TAFA1: variants seen among roughly 807,000 people sequenced by gnomAD.
TAFA1 encodes the protein chemokine-like protein TAFA-1.
In TAFA1, 4 loss-of-function variants were observed where a neutral mutation model predicts 18.5. The ratio of observed to expected loss-of-function variants is 0.22; its 90% CI spans 0.11 to 0.49. The LOEUF (loss-of-function observed/expected upper bound fraction) is 0.49. Ranked by LOEUF, TAFA1 falls within the 20% of genes least tolerant of loss-of-function variation. The probability of loss-of-function intolerance (pLI) is 0.98; values close to 1 mark genes in which losing one functional copy is unlikely to be tolerated. For synonymous variants in TAFA1, 56 were observed against 55.2 expected, an observed-to-expected ratio of 1.01 and a Z score of -0.06; for missense variants, 147 against 169.0, an observed-to-expected ratio of 0.87 and a Z score of 0.72.
chr3:68,180,757 G>A (rs978566889), intron 2 of TAFA1, among the ~76,000 whole-genome samples: 1 of 152,082 alleles, frequency 6.6e-6, no homozygotes, highest in Non-Finnish European at 1.5e-5. Flanking sequence ...CATCACCTAT[G>A]TGGTAGGCAG....
intron 3 of TAFA1, among the ~76,000 whole-genome samples, chr3:68,500,726 A>G (rs1483064827): frequency 6.6e-6 from 1 of 151,802 alleles, no homozygotes; most frequent in Non-Finnish European, 1.5e-5. Context: ...AAGTTTGCCT[A>G]TTCCTACCCT....
intron 2 of TAFA1, among the ~76,000 whole-genome samples, chr3:68,055,257 T>C (rs2064519134): frequency 6.6e-6 from 1 of 152,144 alleles, no homozygotes; most frequent in South Asian, 2.1e-4. Flanking sequence ...GAATTTATAA[T>C]CCAACTCTTA....
At chr3:68,169,433 T>A (rs1355738752) in intron 2 of TAFA1, among the ~76,000 whole-genome samples, 1 of 152,080 alleles carries the variant, frequency 6.6e-6, no homozygotes, top group African/African-American at 2.4e-5. Context: ...TGAACTGGAG[T>A]CTCCTAACCA....
chr3:68,448,037 C>T (rs1317737947), intron 3 of TAFA1, among the ~76,000 whole-genome samples: 1 of 152,148 alleles, frequency 6.6e-6, no homozygotes, highest in Non-Finnish European at 1.5e-5. Flanking sequence ...GAGAAGTGAG[C>T]TCAGGAATTC....
At chr3:68,424,383 T>G (rs2071015495) in intron 3 of TAFA1, among the ~76,000 whole-genome samples, 1 of 152,022 alleles carries the variant, frequency 6.6e-6, no homozygotes, top group Admixed American at 6.6e-5. Context: ...GAAGGAACAT[T>G]AATACATCTA....
intron 2 of TAFA1, among the ~76,000 whole-genome samples, chr3:68,344,376 G>GT (rs2069132702): frequency 6.6e-6 from 1 of 152,130 alleles, no homozygotes; most frequent in East Asian, 1.9e-4. Context: ...GGAACCTCTA[G>GT]TTTAAGTCAT....
rs187969951 is a variant in TAFA1, at chr3:68,247,064, A to C, written c.119-170216A>C. 1.4e-3 allele frequency among the ~76,000 whole-genome samples: 214 copies of C among 151,018 alleles called. 1 individual carries two copies. Among genetic ancestry groups the C allele is most frequent in the African/African-American group, 5.0e-3 (203 of 40,754 alleles). ...CAGCAACATTCCTGGCACATAGTAA[A>C]CATCGATGTATTATTATTAATACCT... On this transcript the variant is annotated intron_variant, in intron 2 of 4. Transcript: ENST00000478136.
chr3:68,056,951 C>T (rs1346643188), intron 2 of TAFA1, among the ~76,000 whole-genome samples: 1 of 152,048 alleles, frequency 6.6e-6, no homozygotes, highest in Non-Finnish European at 1.5e-5. Context: ...CATTTGTGAC[C>T]CCTGTTAAGT....
At chr3:68,337,103 T>C (rs2068984060) in intron 2 of TAFA1, among the ~76,000 whole-genome samples, 1 of 152,096 alleles carries the variant, frequency 6.6e-6, no homozygotes, top group Non-Finnish European at 1.5e-5. Context: ...ATTAGTCTGT[T>C]CTCACACTTC....
intron 3 of TAFA1, among the ~76,000 whole-genome samples, chr3:68,418,267 C>T (rs2070881122): frequency 2.6e-5 from 4 of 151,542 alleles, no homozygotes; most frequent in South Asian, 2.1e-4. Flanking sequence ...AGGGTGGGGC[C>T]GTTTTATAGG....
At chr3:68,491,702 T>A (rs570504555) in intron 3 of TAFA1, among the ~76,000 whole-genome samples, 1 of 152,050 alleles carries the variant, frequency 6.6e-6, no homozygotes, top group Non-Finnish European at 1.5e-5. Flanking sequence ...AATAAATAAA[T>A]TTTAAAAAAG....
At position 68,178,275 on chromosome 3, in the gene TAFA1, C is replaced by G. The variant is rs531237952; in HGVS notation, c.118+171531C>G. On this transcript the variant is annotated intron_variant, in intron 2 of 4. Transcript: ENST00000478136. ...TCATCTATTTCCTCATTCATTCACT[C>G]ATACAACACATACTTATCAGTTGCT... Among the ~76,000 whole-genome samples the G allele has an allele frequency of 5.3e-5, 8 of 152,316 alleles. No individual in the cohort carries two copies. The South Asian group carries it at 1.7e-3, about 32-fold the overall frequency.
At chr3:68,493,552 C>A (rs2072492133) in intron 3 of TAFA1, among the ~76,000 whole-genome samples, 1 of 152,116 alleles carries the variant, frequency 6.6e-6, no homozygotes, top group African/African-American at 2.4e-5. Flanking sequence ...TTTGAGGAAC[C>A]TCCATAACTG....
chr3:68,028,555 A>C (rs1704865581), intron 2 of TAFA1, among the ~76,000 whole-genome samples: 1 of 152,036 alleles, frequency 6.6e-6, no homozygotes, highest in Non-Finnish European at 1.5e-5. Flanking sequence ...CATGAAATCA[A>C]GGTGTCAGCA....
At chr3:68,514,994 A>T (rs977261224) in intron 3 of TAFA1, among the ~76,000 whole-genome samples, 1 of 151,018 alleles carries the variant, frequency 6.6e-6, no homozygotes, top group African/African-American at 2.4e-5. Context: ...TATTGTTTCA[A>T]ACTACTCATG....
At chr3:68,279,573 G>A (rs2067860806) in intron 2 of TAFA1, among the ~76,000 whole-genome samples, 2 of 151,976 alleles carry the variant, frequency 1.3e-5, no homozygotes, top group African/African-American at 4.8e-5. Flanking sequence ...TCACTACTAT[G>A]GGAAGTCAGG....
chr3:68,239,027 TC>T (rs1232489353), intron 2 of TAFA1, among the ~76,000 whole-genome samples: 4 of 152,200 alleles, frequency 2.6e-5, no homozygotes, highest in African/African-American at 9.6e-5. Context: ...TGGAAATACT[TC>T]AGTGAAATAT....
intron 3 of TAFA1, among the ~76,000 whole-genome samples, chr3:68,495,532 G>T (rs897471967): frequency 6.6e-6 from 1 of 152,008 alleles, no homozygotes; most frequent in Non-Finnish European, 1.5e-5. Flanking sequence ...AAAGTCCTTG[G>T]CCTTACATTT....
intron 2 of TAFA1, among the ~76,000 whole-genome samples, chr3:68,137,477 C>A (rs1206615458): frequency 5.3e-5 from 8 of 152,080 alleles, no homozygotes; most frequent in Admixed American, 5.2e-4. Context: ...AGAAGTGGGA[C>A]CGTGCAATAC....
Sources: allele counts gnomAD v4.1 joint callset (sites outside exome capture counted in the v4.1 genomes callset), GRCh38; gene constraint gnomAD v4.1.1; transcripts MANE v1.5; gene names NCBI Gene and HGNC (gene_info 2026-07-23, HGNC 2026-07-21).